SPAG16: variants seen among roughly 807,000 people sequenced by gnomAD.
SPAG16 encodes the protein sperm associated antigen 16.
SPAG16 carries 86 observed loss-of-function variants against 80.4 expected under a neutral mutation model. That is an observed-to-expected ratio of 1.07 (90% CI 0.90 to 1.28). The LOEUF (loss-of-function observed/expected upper bound fraction) is 1.28. SPAG16 is among the 50% of genes most tolerant of loss of function. The probability of loss-of-function intolerance (pLI) is 0.00; values close to 1 mark genes in which losing one functional copy is unlikely to be tolerated. For synonymous variants in SPAG16, 294 were observed against 265.9 expected, an observed-to-expected ratio of 1.11 and a Z score of -1.03; for missense variants, 870 against 765.3, an observed-to-expected ratio of 1.14 and a Z score of -1.61.
At chr2:214,313,732 C>G (rs1695487837) in intron 15 of SPAG16, among the ~76,000 whole-genome samples, 1 of 151,822 alleles carries the variant, frequency 6.6e-6, no homozygotes, top group African/African-American at 2.4e-5. Flanking sequence ...GTTTTATTTC[C>G]AAAATAAAAG....
chr2:213,771,256 C>A (rs2069228269), intron 10 of SPAG16, among the ~76,000 whole-genome samples: 2 of 152,006 alleles, frequency 1.3e-5, no homozygotes, highest in Admixed American at 1.3e-4. Flanking sequence ...GCATGAATGT[C>A]TTCTTTTGAA....
chr2:213,292,249 A>G (rs1320699446), intron 1 of SPAG16, among the ~76,000 whole-genome samples: 5 of 152,210 alleles, frequency 3.3e-5, no homozygotes, highest in Non-Finnish European at 7.3e-5. Flanking sequence ...TTCTGGAGAC[A>G]TACAAATGAC....
chr2:213,296,603 C>T (rs2062509056), intron 2 of SPAG16, among the ~76,000 whole-genome samples: 1 of 152,148 alleles, frequency 6.6e-6, no homozygotes, highest in Non-Finnish European at 1.5e-5. Context: ...GATAAAATCA[C>T]TGGTAGATGA....
intron 9 of SPAG16, among the ~76,000 whole-genome samples, chr2:213,446,628 T>G (rs550221313): frequency 6.6e-6 from 1 of 152,318 alleles, no homozygotes; most frequent in East Asian, 1.9e-4. Context: ...CTCAAACTGA[T>G]TTACCTACTA....
chr2:214,403,323 A>G (rs1289209680), intron 15 of SPAG16, among the ~76,000 whole-genome samples: 1 of 148,916 alleles, frequency 6.7e-6, no homozygotes, highest in Non-Finnish European at 1.5e-5. Context: ...TAAAATTGAT[A>G]TATTTATTTA....
chr2:213,728,741 G>A (rs955416199), intron 10 of SPAG16, among the ~76,000 whole-genome samples: 6 of 151,808 alleles, frequency 4.0e-5, no homozygotes, highest in African/African-American at 1.2e-4. Flanking sequence ...GCCGGGCGTG[G>A]TGGTGGGTGC....
chr2:214,229,127 G>A (rs1386940640), intron 15 of SPAG16, among the ~76,000 whole-genome samples: 1 of 151,248 alleles, frequency 6.6e-6, no homozygotes, highest in Non-Finnish European at 1.5e-5. Flanking sequence ...TTTCTCTTAT[G>A]GATCTTGCCA....
rs200572418 is a variant in SPAG16 at position 213,913,569 on chromosome 2, GTA to G, written c.1215-16383_1215-16382del. The stretch of plus-strand genomic sequence containing the variant: ...GTATTGTGTGTATCTCTCTGTGTGT[GTA>G]TATATATGTACATGTACATATATGT... On this transcript the variant is annotated intron_variant, in intron 11 of 15. Transcript: ENST00000331683. Among the ~76,000 whole-genome samples, 534 of 98,222 alleles carry G rather than the reference GTA, an allele frequency of 5.4e-3. 7 individuals are homozygous for G. Among genetic ancestry groups the G allele is most frequent in the African/African-American group, 0.015 (371 of 24,498 alleles). 64.4% of individuals were successfully genotyped at this position (98,222 alleles called of 152,430 possible).
At chr2:214,271,904 A>G (rs1692054774) in intron 15 of SPAG16, among the ~76,000 whole-genome samples, 1 of 149,364 alleles carries the variant, frequency 6.7e-6, no homozygotes, top group Non-Finnish European at 1.5e-5. Context: ...TTTTATAGGA[A>G]TGTCATTTGA....
chr2:213,519,276 A>G (rs1336724457), intron 10 of SPAG16, among the ~76,000 whole-genome samples: 1 of 152,210 alleles, frequency 6.6e-6, no homozygotes, highest in Non-Finnish European at 1.5e-5. Context: ...TAGCTTTAAC[A>G]TTTTATCCTT....
At chr2:213,462,142 G>T (rs1035505178) in intron 9 of SPAG16, among the ~76,000 whole-genome samples, 1 of 152,176 alleles carries the variant, frequency 6.6e-6, no homozygotes, top group African/African-American at 2.4e-5. Flanking sequence ...ATTTTTAAGA[G>T]ATTGACTTGT....
intron 13 of SPAG16, among the ~76,000 whole-genome samples, chr2:214,083,421 A>G (rs571843170): frequency 4.6e-5 from 7 of 152,146 alleles, no homozygotes; most frequent in Admixed American, 1.3e-4. Context: ...GCCAATGGCT[A>G]TGTGGGTAAG....
intron 5 of SPAG16, among the ~76,000 whole-genome samples, chr2:213,324,993 T>C (rs544747237): frequency 6.6e-6 from 1 of 152,224 alleles, no homozygotes; most frequent in Admixed American, 6.5e-5. Flanking sequence ...ACAAATGATA[T>C]TAAACATAAT....
intron 13 of SPAG16, among the ~76,000 whole-genome samples, chr2:214,082,927 C>T (rs1320258164): frequency 6.6e-6 from 1 of 152,130 alleles, no homozygotes; most frequent in Non-Finnish European, 1.5e-5. Flanking sequence ...AATAACTCTA[C>T]CATTTACCAA....
chr2:213,718,149 C>CAAAAAAAAAAAAAAAAAAAAAAAAA lies in SPAG16; in HGVS notation c.1071-144316_1071-144315insAAAAAAAAAAAAAAAAAAAAAAAAA, dbSNP rs71063769. The stretch of plus-strand genomic sequence containing the variant: ...TCTACAAAGAACTTAAACAAGTTTA[C>CAAAAAAAAAAAAAAAAAAAAAAAAA]AAAAAAAAAAAAAAAAAAAAGAAAA... On this transcript the variant is annotated intron_variant, in intron 10 of 15. Coordinates refer to ENST00000331683, the MANE Select transcript of SPAG16 (RefSeq NM_024532.5). Among the ~76,000 whole-genome samples the CAAAAAAAAAAAAAAAAAAAAAAAAA allele has an allele frequency of 6.5e-5, 6 of 92,230 alleles. No individual in the cohort carries two copies. In the East Asian group the frequency reaches 1.1e-3, roughly 17 times the overall value. The allele number at this position is 92,230 out of a possible 152,430, so 60.5% of individuals were successfully genotyped here.
chr2:213,621,807 A>G (rs976671520), intron 10 of SPAG16, among the ~76,000 whole-genome samples: 1 of 152,244 alleles, frequency 6.6e-6, no homozygotes, highest in African/African-American at 2.4e-5. Flanking sequence ...TGTGATCTAA[A>G]GATAGATCAC....
At chr2:214,216,181 G>A (rs1006203781) in intron 15 of SPAG16, among the ~76,000 whole-genome samples, 8 of 152,006 alleles carry the variant, frequency 5.3e-5, no homozygotes, top group African/African-American at 1.9e-4. Flanking sequence ...TATGAGCATT[G>A]GTTTTTTATG....
chr2:214,387,254 A>ATTCTT (rs1700812839), intron 15 of SPAG16, among the ~76,000 whole-genome samples: 1 of 152,086 alleles, frequency 6.6e-6, no homozygotes, highest in African/African-American at 2.4e-5. Context: ...TTTATTTTTT[A>ATTCTT]TTCTTTTAAC....
intron 15 of SPAG16, among the ~76,000 whole-genome samples, chr2:214,236,714 C>T (rs13030061): frequency 0.25 from 38,409 of 151,730 alleles, 5,276 homozygotes; most frequent in African/African-American, 0.36. Context: ...GCATTTATTA[C>T]GATTCACCAA....
Sources: allele counts gnomAD v4.1 joint callset (sites outside exome capture counted in the v4.1 genomes callset), GRCh38; gene constraint gnomAD v4.1.1; transcripts MANE v1.5; gene names NCBI Gene and HGNC (gene_info 2026-07-23, HGNC 2026-07-21).